Variants in REST observed in about 807,000 individuals in gnomAD.
The protein encoded by REST is RE1 silencing transcription factor.
In REST, 1 loss-of-function variant was observed where a neutral mutation model predicts 30.4. The observed-to-expected ratio is 0.03, with a 90% CI of 0.01 to 0.16. The LOEUF (loss-of-function observed/expected upper bound fraction) is 0.16. Among genes scored for constraint, REST ranks in the 10% least tolerant of loss-of-function variants. The pLI is 1.00. For synonymous variants in REST, 504 were observed against 451.1 expected (o/e 1.12, Z -1.49); for missense variants, 1,259 against 1,329.5 (o/e 0.95, Z 0.82).
chr4:56,908,613 C>T (rs1719734499), intron 1 of REST, among the ~76,000 whole-genome samples: 1 of 152,124 alleles, frequency 6.6e-6, no homozygotes, highest in Non-Finnish European at 1.5e-5. Flanking sequence ...CACCGCAGCC[C>T]CGCGCCGGCC....
intron 3 of REST, among the ~76,000 whole-genome samples, chr4:56,928,571 A>G (rs1047661437): frequency 2.0e-5 from 3 of 149,488 alleles, no homozygotes; most frequent in African/African-American, 7.4e-5. Context: ...GCACTCCACC[A>G]TGCCTGGCTA....
rs567287852 is a variant in REST, at chr4:56,916,489, C to G, written c.899-3298C>G. Among the ~76,000 whole-genome samples the G allele has an allele frequency of 5.0e-4, 76 of 152,102 alleles. 1 individual carries two copies. Among genetic ancestry groups the G allele is most frequent in the African/African-American group, 1.8e-3 (74 of 41,502 alleles). ...TGGTCAGCATGGTGAAACCCTGTCT[C>G]TACTAAAAATACAACACTTAGCCTG... On this transcript the variant is annotated intron_variant, in intron 2 of 3. Transcript: ENST00000309042.
chr4:56,911,056 C>T lies in REST; in HGVS notation c.418C>T (p.Leu140Phe). 2 of 1,614,116 alleles carry T rather than the reference C, an allele frequency of 1.2e-6. No homozygotes were observed. Among genetic ancestry groups the T allele is most frequent in the South Asian group, 2.2e-5 (2 of 91,084 alleles). The stretch of plus-strand genomic sequence containing the variant: ...AGATATTTACAGTTCAAATAAAGAT[C>T]TTCCCCCTGAAACACCTGGAGCGGA... ...APDIYSSNKD[L>F]PPETPGAEDK... The change falls in exon 2 of 4, where the codon CTT becomes TTT. Residue 140 changes from leucine to phenylalanine, a missense_variant. Physicochemically the swap from Leu to Phe is conservative, Grantham distance 22. Around this residue, in one of 5 missense-constraint regions of REST, gnomAD observed 249 missense variants for 251.5 expected, o/e 0.99. Coordinates refer to ENST00000309042, the MANE Select transcript of REST (RefSeq NM_005612.5).
chr4:56,919,766 T>TA (rs759281254), intron 2 of REST, 21 bp from the exon 3 acceptor site: 4 of 1,504,106 alleles, frequency 2.7e-6, no homozygotes, highest in Non-Finnish European at 3.7e-6. Context: ...TAAACACTCT[T>TA]ATATTATTGA....
rs1479249291 is a variant in REST, at chr4:56,919,845, A to C, written c.957A>C (p.Leu319=). The change falls in exon 3 of 4, where the codon CTA becomes CTC. Residue 319 remains leucine (L), a synonymous_variant. Transcript: ENST00000309042. ...CPYSSSQKTH[L]TRHMRTHSGE... ...ACTCAAGTTCTCAGAAGACTCATCT[A>C]ACTAGACATATGCGTACTCATTCAG... 6.2e-7 allele frequency: 1 copy of C among 1,605,500 alleles called. No individual in the cohort carries two copies. Among genetic ancestry groups the C allele is most frequent in the South Asian group, 1.1e-5 (1 of 90,218 alleles).
At chr4:56,916,746 A>C (rs941191278) in intron 2 of REST, among the ~76,000 whole-genome samples, 1 of 152,232 alleles carries the variant, frequency 6.6e-6, no homozygotes, top group African/African-American at 2.4e-5. Context: ...TTACATATGC[A>C]GTTCACTATA....
At chr4:56,923,479 T>C (rs575547770) in intron 3 of REST, among the ~76,000 whole-genome samples, 1 of 152,260 alleles carries the variant, frequency 6.6e-6, no homozygotes, top group South Asian at 2.1e-4. Flanking sequence ...AGTTTCGCTC[T>C]TGTCACCCAG....
Position 56,930,063 on chromosome 4 carries a change from G to A in REST, c.1205G>A (p.Cys402Tyr). 6.2e-7 allele frequency: 1 copy of A among 1,614,070 alleles called. No individual in the cohort carries two copies. Among genetic ancestry groups the A allele is most frequent in the Non-Finnish European group, 8.5e-7 (1 of 1,180,012 alleles). The change falls in exon 4 of 4, where the codon TGT (cysteine) becomes TAT (tyrosine). Residue 402 changes from cysteine to tyrosine, a missense_variant. Cys to Tyr is a radical substitution (Grantham distance 194). Around this residue, in one of 5 missense-constraint regions of REST, gnomAD observed 125 missense variants for 255.4 expected, o/e 0.49. Transcript: ENST00000309042. ...TGTGACTATGCAGCTTCCAAGAAGT[G>A]TAATCTACAGTATCACTTCAAATCT... ...PVCDYAASKK[C>Y]NLQYHFKSKH...
chr4:56,927,901 G>T (rs1398951298), intron 3 of REST, among the ~76,000 whole-genome samples: 5 of 152,166 alleles, frequency 3.3e-5, no homozygotes, highest in Admixed American at 2.0e-4. Flanking sequence ...CAATGCTAGC[G>T]CAGGAAGTTT....
In REST at chr4:56,935,094, G is replaced by C. The variant is rs1721102507; in HGVS notation, c.*2942G>C. On this transcript the variant is annotated 3_prime_UTR_variant, in exon 4 of 4. Transcript: ENST00000309042. ...AAGAAGGGCCATTTTATTTTTTAGA[G>C]TCACTTCTAAAGTCATGTGGTAATT... The C allele has an allele frequency of 6.7e-6, 1 of 150,350 alleles. No individual in the cohort carries two copies. The highest frequency in any genetic ancestry group is 1.5e-5 in the Non-Finnish European group (1 of 67,778). The allele number at this position is 150,350 out of a possible 1,614,324, so 9.3% of individuals were successfully genotyped here.
chr4:56,911,451 T>C lies in REST; in HGVS notation c.813T>C (p.Phe271=). The change falls in exon 2 of 4, where the codon TTT becomes TTC. Residue 271 remains phenylalanine, a synonymous_variant. Transcript: ENST00000309042. ...YHWRKHLRNH[F]PRKVYTCGKC... ...GGAGGAAACATTTAAGAAACCATTT[T>C]CCAAGGAAAGTATACACATGTGGAA... is the stretch of plus-strand genomic sequence containing the variant. 6.2e-7 allele frequency: 1 copy of C among 1,614,142 alleles called. No individual in the cohort carries two copies. Among genetic ancestry groups the C allele is most frequent in the Non-Finnish European group, 8.5e-7 (1 of 1,180,036 alleles).
In REST at chr4:56,930,941, C is replaced by T. The variant is rs1299643587; in HGVS notation, c.2083C>T (p.Gln695Ter). ...MELPPPMETA[Q>*]TEVAQMGPAP... ...GCTGCCTCCTCCCATGGAGACTGCT[C>T]AGACGGAGGTTGCCCAAATGGGGCC... The change falls in exon 4 of 4, where the codon CAG (glutamine) becomes TAG (stop). Residue 695 changes from glutamine (Q) to a stop codon, truncating the protein, a stop_gained. Transcript: ENST00000309042. LOFTEE classifies it low-confidence loss of function (END_TRUNC). 6.2e-7 allele frequency: 1 copy of T among 1,613,824 alleles called. No individual in the cohort carries two copies. Among genetic ancestry groups the T allele is most frequent in the African/African-American group, 1.3e-5 (1 of 74,930 alleles).
At chr4:56,928,820 C>G (rs767993913) in intron 3 of REST, among the ~76,000 whole-genome samples, 3 of 151,586 alleles carry the variant, frequency 2.0e-5, no homozygotes, top group African/African-American at 4.8e-5. Flanking sequence ...AACTCCTGAC[C>G]TCAGGTGATC....
In REST at chr4:56,934,104, T is replaced by C. The variant is rs1721068802; in HGVS notation, c.*1952T>C. 3 of 152,238 alleles carry C rather than the reference T, an allele frequency of 2.0e-5. No individual in the cohort carries two copies. Among genetic ancestry groups the C allele is most frequent in the Non-Finnish European group, 2.9e-5 (2 of 68,042 alleles). 9.4% of individuals were successfully genotyped at this position (152,238 alleles called of 1,614,324 possible). A position where few individuals can be genotyped will look rare whatever the true frequency, so the allele number is the denominator to read the frequency against. On this transcript the variant is annotated 3_prime_UTR_variant, in exon 4 of 4. Transcript: ENST00000309042. Reference sequence around the variant, plus strand: ...ATGGTATGTGTTTTGTGTGCATGAATGGACATTGTAAATGTTGAATTCTAG... The same window carrying C: ...ATGGTATGTGTTTTGTGTGCATGAACGGACATTGTAAATGTTGAATTCTAG...
At chr4:56,927,061 A>C (rs1720745903) in intron 3 of REST, among the ~76,000 whole-genome samples, 1 of 151,596 alleles carries the variant, frequency 6.6e-6, no homozygotes, top group East Asian at 1.9e-4. Context: ...GCGCCATTGC[A>C]CTCCAGACTG....
chr4:56,934,843 C>A lies in REST; in HGVS notation c.*2691C>A, dbSNP rs1721093380. ...TTGAAATACTAGCATATATTATAAG[C>A]CTTAATCTTAGGTAGTCTTATGAAA... On this transcript the variant is annotated 3_prime_UTR_variant, in exon 4 of 4. Transcript: ENST00000309042. 1 of 152,032 alleles carries A rather than the reference C, an allele frequency of 6.6e-6. No individual in the cohort carries two copies. Among genetic ancestry groups the A allele is most frequent in the Non-Finnish European group, 1.5e-5 (1 of 68,012 alleles). 9.4% of individuals were successfully genotyped at this position (152,032 alleles called of 1,614,324 possible). A position where few individuals can be genotyped will look rare whatever the true frequency, so the allele number is the denominator to read the frequency against.
chr4:56,929,779 A>G (rs1347135099), intron 3 of REST, 62 bp from the exon 4 acceptor site: 17 of 1,452,288 alleles, frequency 1.2e-5, no homozygotes, highest in Admixed American at 2.2e-5. Flanking sequence ...ACAGTTCTTT[A>G]TATTTTAATC....
At chr4:56,924,918 C>T (rs1294820406) in intron 3 of REST, among the ~76,000 whole-genome samples, 9 of 152,008 alleles carry the variant, frequency 5.9e-5, no homozygotes, top group Non-Finnish European at 1.0e-4. Context: ...GTAATCCTAG[C>T]GCTTTGGGAA....
intron 3 of REST, among the ~76,000 whole-genome samples, chr4:56,923,988 TG>T (rs1720566345): frequency 6.6e-6 from 1 of 152,146 alleles, no homozygotes; most frequent in Non-Finnish European, 1.5e-5. Context: ...CCCAAAGTGC[TG>T]GGATTACAGG....
Sources: gnomAD v4.1 joint callset for allele counts (sites outside exome capture counted in the v4.1 genomes callset) on GRCh38, gnomAD v4.1.1 for gene constraint, gnomAD v4.1.1 regional missense constraint, MANE v1.5 for transcripts, NCBI Gene and HGNC (gene_info 2026-07-23, HGNC 2026-07-21) for gene names.